The following PXDN variants were observed in gnomAD, a reference collection of about 807,000 sequenced individuals.
PXDN encodes the protein peroxidasin, also known as peroxidasin homolog.
Under a neutral mutation model 140.3 loss-of-function variants are expected in PXDN, and 77 were observed. The ratio of observed to expected loss-of-function variants is 0.55; its 90% CI spans 0.46 to 0.66. The LOEUF (loss-of-function observed/expected upper bound fraction) is 0.66. Ranked by LOEUF, PXDN falls within the 30% of genes least tolerant of loss-of-function variation. PXDN has a pLI of 0.00. For missense variants in PXDN, 1,838 were observed against 2,039.5 expected (o/e 0.90, Z 1.90); for synonymous variants, 911 against 857.4 (o/e 1.06, Z -1.09).
chr2:1,694,155 A>T (rs1255584358), intron 1 of PXDN, among the ~76,000 whole-genome samples: 2 of 152,216 alleles, frequency 1.3e-5, no homozygotes, highest in African/African-American at 2.4e-5. Context: ...TCCAGTAGGG[A>T]TCGGTACGGG....
intron 1 of PXDN, among the ~76,000 whole-genome samples, chr2:1,734,380 C>A (rs1685383494): frequency 6.6e-6 from 1 of 152,106 alleles, no homozygotes; most frequent in Non-Finnish European, 1.5e-5. Context: ...TGGTAGAGAA[C>A]CTTGCTTTTA....
intron 7 of PXDN, 99 bp from the exon 8 acceptor site, chr2:1,677,143 C>T: frequency 9.1e-7 from 1 of 1,097,230 alleles, no homozygotes; most frequent in South Asian, 1.6e-5. Context: ...AAGGAAACCA[C>T]AGATGCCCAA....
In PXDN at chr2:1,744,503, G is replaced by A. The variant is rs1357179906; in HGVS notation, c.-48C>T. Reference sequence around the variant, plus strand: ...TCGGACGCACGGAGCCACCACGGCCGGCTCCCGACTGCGCCCGCCCGGCCG... The same window carrying A: ...TCGGACGCACGGAGCCACCACGGCCAGCTCCCGACTGCGCCCGCCCGGCCG... On this transcript the variant is annotated 5_prime_UTR_variant, in exon 1 of 23. Coordinates refer to ENST00000252804, the MANE Select transcript of PXDN (RefSeq NM_012293.3). The A allele has an allele frequency of 1.1e-5, 14 of 1,331,164 alleles. No individual in the cohort carries two copies. Among genetic ancestry groups the A allele is most frequent in the Non-Finnish European group, 1.3e-5 (14 of 1,049,124 alleles). 82.5% of individuals were successfully genotyped at this position (1,331,164 alleles called of 1,614,324 possible).
chr2:1,644,208 ATAGG>A (rs1215318783), intron 18 of PXDN, among the ~76,000 whole-genome samples: 3 of 152,138 alleles, frequency 2.0e-5, no homozygotes, highest in African/African-American at 7.2e-5. Flanking sequence ...ATAGTTTGTA[ATAGG>A]TAGGGTCTGC....
At chr2:1,721,246 G>A (rs561471641) in intron 1 of PXDN, among the ~76,000 whole-genome samples, 3 of 152,316 alleles carry the variant, frequency 2.0e-5, no homozygotes, top group African/African-American at 7.2e-5. Flanking sequence ...CTTAGAAGGT[G>A]CAAATGTGGC....
At chr2:1,635,348 C>T in intron 22 of PXDN, 60 bp downstream of exon 22, 1 of 1,434,742 alleles carries the variant, frequency 7.0e-7, no homozygotes, top group Non-Finnish European at 9.6e-7. Flanking sequence ...TGAGTGGTCA[C>T]ATGGGACTCT....
rs112674675 is a variant in PXDN at position 1,675,545 on chromosome 2, C to T, written c.848+1382G>A. 6.0e-4 allele frequency among the ~76,000 whole-genome samples: 91 copies of T among 152,248 alleles called. No individual in the cohort carries two copies. The Middle Eastern group carries it at 0.01, about 17-fold the overall frequency. The stretch of plus-strand genomic sequence containing the variant: ...GACTGCACCTTACAGGCTCCTTGTC[C>T]GGCACTGCAGCCAAGGTCAATATGA... On this transcript the variant is annotated intron_variant, in intron 8 of 22. Transcript: ENST00000252804.
intron 10 of PXDN, 34 bp from the exon 11 acceptor site, chr2:1,665,108 T>A (rs936884406): frequency 6.7e-7 from 1 of 1,487,786 alleles, no homozygotes; most frequent in African/African-American, 1.4e-5. Flanking sequence ...ACAGGACATG[T>A]AAAAAACAGC....
intron 1 of PXDN, among the ~76,000 whole-genome samples, chr2:1,720,621 G>GCATCTCTTTCTCTCTCTCTA (rs1685019702): frequency 6.6e-6 from 1 of 151,860 alleles, no homozygotes; most frequent in African/African-American, 2.4e-5. Flanking sequence ...AGCTCTCTCT[G>GCATCTCTTTCTCTCTCTCTA]CATCTCTTTC....
At chr2:1,733,522 A>G (rs1685357432) in intron 1 of PXDN, among the ~76,000 whole-genome samples, 1 of 152,114 alleles carries the variant, frequency 6.6e-6, no homozygotes, top group African/African-American at 2.4e-5. Context: ...CGGGTGAATC[A>G]CCTGTAGTCA....
At chr2:1,643,654 C>T in intron 18 of PXDN, 78 bp from the exon 19 acceptor site, 2 of 1,491,992 alleles carry the variant, frequency 1.3e-6, no homozygotes, top group Non-Finnish European at 9.3e-7. Flanking sequence ...TTAAAATCTC[C>T]CCTGCTTAGT....
chr2:1,635,929 C>T (rs530295869), intron 21 of PXDN: 1 of 335,642 alleles, frequency 3.0e-6, no homozygotes, highest in Non-Finnish European at 5.7e-6. Flanking sequence ...AAGCACGGGG[C>T]CCCATAACAA....
chr2:1,713,606 G>A (rs1684831509), intron 1 of PXDN, among the ~76,000 whole-genome samples: 1 of 152,218 alleles, frequency 6.6e-6, no homozygotes, highest in Non-Finnish European at 1.5e-5. Flanking sequence ...AGCCCAGGGT[G>A]GCCGCATAGG....
At chr2:1,676,578 T>C (rs1683722150) in intron 8 of PXDN, 1 of 319,186 alleles carries the variant, frequency 3.1e-6, no homozygotes, top group East Asian at 6.8e-5. Context: ...CCAACAACAG[T>C]GACCAGAGCA....
At chr2:1,733,064 G>A (rs1233368148) in intron 1 of PXDN, among the ~76,000 whole-genome samples, 1 of 152,054 alleles carries the variant, frequency 6.6e-6, no homozygotes, top group Non-Finnish European at 1.5e-5. Flanking sequence ...AAAAGGCACA[G>A]TAACAAAAAA....
chr2:1,639,258 C>T lies in PXDN; in HGVS notation c.4073+44G>A, dbSNP rs201615617. ...GTCCTACTGCCCGACGCCCGCGGTG[C>T]GAGGGCCCCTCTGCACATCATTTGA... is the stretch of plus-strand genomic sequence containing the variant. On this transcript the variant is annotated intron_variant, in intron 20 of 22. Coordinates refer to ENST00000252804, the MANE Select transcript of PXDN (RefSeq NM_012293.3). The surrounding 1 kb of genome is among the most constrained non-coding windows in gnomAD (Gnocchi z 5.0). 8.8e-6 allele frequency: 14 copies of T among 1,585,964 alleles called. No homozygotes were observed. The highest frequency in any genetic ancestry group is 9.4e-6 in the Non-Finnish European group (11 of 1,165,780).
chr2:1,715,057 TTTACTC>T (rs149389446), intron 1 of PXDN, among the ~76,000 whole-genome samples: 203 of 151,872 alleles, frequency 1.3e-3, no homozygotes, highest in African/African-American at 4.6e-3. Context: ...GCATATACAG[TTTACTC>T]TTTGGGAAAA....
intron 8 of PXDN, among the ~76,000 whole-genome samples, chr2:1,674,978 C>T (rs62116595): frequency 0.031 from 4,790 of 152,302 alleles, 113 homozygotes; most frequent in Middle Eastern, 0.051. Flanking sequence ...AGAAACCTGC[C>T]AGCGCGCAGC....
chr2:1,744,229 G>C (rs1194705101), intron 1 of PXDN, 27 bp downstream of exon 1: 2 of 1,423,994 alleles, frequency 1.4e-6, no homozygotes, highest in East Asian at 6.2e-5. Context: ...CGGACCCCGC[G>C]CCCCCGGCGT....
Sources: allele counts gnomAD v4.1 joint callset (sites outside exome capture counted in the v4.1 genomes callset), GRCh38; gene constraint gnomAD v4.1.1; non-coding constraint Gnocchi (gnomAD v3.1); transcripts MANE v1.5; gene names NCBI Gene and HGNC (gene_info 2026-07-23, HGNC 2026-07-21).